Variants in ITPRID1 observed in about 807,000 individuals in gnomAD.
ITPRID1 encodes ITPR interacting domain containing 1.
Under a neutral mutation model 95.4 loss-of-function variants are expected in ITPRID1, and 96 were observed. The ratio of observed to expected loss-of-function variants is 1.01; its 90% CI spans 0.85 to 1.19. The LOEUF is 1.19. ITPRID1 is among the 50% of genes most tolerant of loss of function. The pLI, the probability that ITPRID1 is intolerant of heterozygous loss-of-function variation, is 0.00. For synonymous variants in ITPRID1, 510 were observed against 453.6 expected (o/e 1.12, Z -1.58); for missense variants, 1,339 against 1,252.9 (o/e 1.07, Z -1.04).
intron 10 of ITPRID1, among the ~76,000 whole-genome samples, chr7:31,628,622 T>C (rs1310468558): frequency 1.3e-5 from 2 of 151,964 alleles, no homozygotes; most frequent in African/African-American, 4.8e-5. Context: ...CACGCCCCGC[T>C]AATTTTTGTA....
At chr7:31,596,074 C>G (rs1428182330) in intron 10 of ITPRID1, among the ~76,000 whole-genome samples, 1 of 151,158 alleles carries the variant, frequency 6.6e-6, no homozygotes, top group Non-Finnish European at 1.5e-5. Context: ...TTTATGATAT[C>G]TAAAATTTGT....
At chr7:31,642,638 TCCA>T in intron 11 of ITPRID1, 41 bp from the exon 12 acceptor site, 1 of 1,560,406 alleles carries the variant, frequency 6.4e-7, no homozygotes, top group Non-Finnish European at 8.7e-7. Flanking sequence ...TATTGCCTCC[TCCA>T]CTTCCTGACC....
chr7:31,605,859 T>C (rs1195207305), intron 10 of ITPRID1, among the ~76,000 whole-genome samples: 1 of 152,154 alleles, frequency 6.6e-6, no homozygotes, highest in Non-Finnish European at 1.5e-5. Flanking sequence ...TTGATTGGTT[T>C]CTTCTGCTGC....
intron 10 of ITPRID1, among the ~76,000 whole-genome samples, chr7:31,585,914 G>T (rs750217119): frequency 3.3e-4 from 49 of 149,838 alleles, no homozygotes; most frequent in South Asian, 4.3e-4. Context: ...ATGTATACAT[G>T]TGCCATGCTG....
At chr7:31,549,124 G>A (rs1355033796) in intron 1 of ITPRID1, among the ~76,000 whole-genome samples, 1 of 152,080 alleles carries the variant, frequency 6.6e-6, no homozygotes, top group East Asian at 1.9e-4. Flanking sequence ...CTTGGCCACC[G>A]AGTTTAATCA....
intron 12 of ITPRID1, among the ~76,000 whole-genome samples, chr7:31,644,430 C>T (rs1790292525): frequency 6.6e-6 from 1 of 152,180 alleles, no homozygotes; most frequent in Non-Finnish European, 1.5e-5. Context: ...AGCACTCAGC[C>T]CAGCATGTGG....
intron 10 of ITPRID1, among the ~76,000 whole-genome samples, chr7:31,631,351 CAA>C (rs1451990082): frequency 6.6e-6 from 1 of 152,014 alleles, no homozygotes; most frequent in East Asian, 1.9e-4. Context: ...ATATGAAAAA[CAA>C]GATATAAAAT....
intron 10 of ITPRID1, among the ~76,000 whole-genome samples, chr7:31,616,551 C>T (rs1284164114): frequency 6.6e-6 from 1 of 151,520 alleles, no homozygotes; most frequent in African/African-American, 2.4e-5. Flanking sequence ...CAACACATCC[C>T]TCCACCCACT....
At chr7:31,522,014 A>G (rs1398609192) in intron 1 of ITPRID1, among the ~76,000 whole-genome samples, 1 of 151,822 alleles carries the variant, frequency 6.6e-6, no homozygotes, top group Non-Finnish European at 1.5e-5. Flanking sequence ...TTATGGGAAA[A>G]AAAGCAAAAA....
chr7:31,549,235 A>G (rs1212848707), intron 1 of ITPRID1, among the ~76,000 whole-genome samples, 191 bp from the exon 2 acceptor site: 1 of 152,144 alleles, frequency 6.6e-6, no homozygotes, highest in African/African-American at 2.4e-5. Context: ...CCTCTAACTC[A>G]TCTCAGGGAA....
chr7:31,558,775 C>T (rs1784534573), intron 5 of ITPRID1, among the ~76,000 whole-genome samples: 1 of 152,154 alleles, frequency 6.6e-6, no homozygotes, highest in Non-Finnish European at 1.5e-5. Flanking sequence ...AACTAGCATA[C>T]CGCCAATGAC....
At chr7:31,533,631 C>T (rs1783669812) in intron 1 of ITPRID1, among the ~76,000 whole-genome samples, 1 of 152,160 alleles carries the variant, frequency 6.6e-6, no homozygotes, top group Non-Finnish European at 1.5e-5. Flanking sequence ...ATTACTTCCT[C>T]TGCATCCTAC....
chr7:31,645,105 T>C (rs933476367), intron 12 of ITPRID1, among the ~76,000 whole-genome samples: 1 of 152,236 alleles, frequency 6.6e-6, no homozygotes, highest in African/African-American at 2.4e-5. Flanking sequence ...CAATGCCTCC[T>C]AATGACTAAG....
In ITPRID1 at chr7:31,643,965, C is replaced by T. The variant is rs1269407429; in HGVS notation, c.2583+12C>T. On this transcript the variant is annotated intron_variant, in intron 12 of 14. Transcript: ENST00000615280. The stretch of plus-strand genomic sequence containing the variant: ...GGGAGCTATGTTCCGTAAGTGTTCA[C>T]CCTGGCAAAGATGGAAAGGCAGATG... The T allele has an allele frequency of 6.3e-7, 1 of 1,587,648 alleles. No homozygotes were observed. The highest frequency in any genetic ancestry group is 1.1e-5 in the South Asian group (1 of 87,336).
At chr7:31,534,999 A>T (rs975635191) in intron 1 of ITPRID1, among the ~76,000 whole-genome samples, 4 of 152,118 alleles carry the variant, frequency 2.6e-5, no homozygotes, top group Non-Finnish European at 5.9e-5. Flanking sequence ...TTCTACAATG[A>T]TGGAAACATT....
intron 1 of ITPRID1, among the ~76,000 whole-genome samples, chr7:31,520,383 G>C (rs1245843074): frequency 6.6e-6 from 1 of 152,096 alleles, no homozygotes; most frequent in Non-Finnish European, 1.5e-5. Context: ...GCACACCCAA[G>C]AAGTGAGAAG....
At chr7:31,612,946 T>G (rs560849218) in intron 10 of ITPRID1, among the ~76,000 whole-genome samples, 7 of 152,322 alleles carry the variant, frequency 4.6e-5, no homozygotes, top group African/African-American at 1.7e-4. Context: ...AGCTATAATA[T>G]TAAACAATTA....
At chr7:31,625,002 G>C (rs978555574) in intron 10 of ITPRID1, among the ~76,000 whole-genome samples, 4 of 152,170 alleles carry the variant, frequency 2.6e-5, no homozygotes, top group African/African-American at 4.8e-5. Context: ...CATTTATGCA[G>C]TCAAAAAACA....
chr7:31,600,701 A>G (rs1786357699), intron 10 of ITPRID1, among the ~76,000 whole-genome samples: 1 of 152,118 alleles, frequency 6.6e-6, no homozygotes, highest in Non-Finnish European at 1.5e-5. Context: ...TGGTCTGTTT[A>G]GGGAGTTATT....
Sources: gnomAD v4.1 joint callset for allele counts (sites outside exome capture counted in the v4.1 genomes callset) on GRCh38, gnomAD v4.1.1 for gene constraint, MANE v1.5 for transcripts, NCBI Gene and HGNC (gene_info 2026-07-23, HGNC 2026-07-21) for gene names.